ARHGAP4: variants seen among roughly 807,000 people sequenced by gnomAD.
The protein encoded by ARHGAP4 is rho GTPase-activating protein 4.
ARHGAP4 carries 25 observed loss-of-function variants against 67.6 expected under a neutral mutation model. The ratio of observed to expected loss-of-function variants is 0.37; its 90% CI spans 0.27 to 0.52. The LOEUF is 0.52. Ranked by LOEUF, ARHGAP4 falls within the 20% of genes least tolerant of loss-of-function variation. The pLI is 0.92. For synonymous variants in ARHGAP4, 448 were observed against 373.7 expected (o/e 1.20, Z -2.29); for missense variants, 804 against 854.6 (o/e 0.94, Z 0.74).
Position 153,921,515 on chromosome X carries a change from G to A in ARHGAP4, c.285C>T (p.Ser95=). 8.4e-7 allele frequency: 1 copy of A among 1,194,710 alleles called. No homozygotes were observed. Among genetic ancestry groups the A allele is most frequent in the Non-Finnish European group, 1.1e-6 (1 of 886,387 alleles). The change falls in exon 3 of 22, where the codon TCC becomes TCT. Residue 95 remains serine, a synonymous_variant. Transcript: ENST00000350060. ...REHQSFRKEP[S]LLSPLHCWAV... The stretch of plus-strand genomic sequence containing the variant: ...CCCAGCAGTGCAAGGGCGACAGGAG[G>A]GACGGCTCCTTCCTGGGGGTAGAGG...
At chrX:153,915,422 A>ATC (rs1168050078) in intron 7 of ARHGAP4, among the ~76,000 whole-genome samples, 1 of 111,187 alleles carries the variant, frequency 9.0e-6, no homozygotes, top group African/African-American at 3.3e-5. Flanking sequence ...TTAAAAGTCC[A>ATC]TCTAGGCTGG....
rs782735515 is a variant in ARHGAP4 at position 153,921,638 on chromosome X, C to T, written c.239G>A (p.Arg80His). 5.8e-6 allele frequency: 7 copies of T among 1,208,695 alleles called. No homozygotes were observed. Among genetic ancestry groups the T allele is most frequent in the African/African-American group, 1.7e-5 (1 of 57,676 alleles). Residue 80 changes from arginine to histidine, a missense_variant, in exon 2 of 22, where the codon CGC (arginine) becomes CAC (histidine). Arg to His is a conservative substitution (Grantham distance 29, BLOSUM62 0). Coordinates refer to ENST00000350060, the MANE Select transcript of ARHGAP4 (RefSeq NM_001666.5). ...TTGGTGCTCCCGGCTGCTCCCCAGG[C>T]GGCCTCCACGGCTGGAGAAGCGCTC... ...LAERFSSRGG[R>H]LGSSREHQSF...
In ARHGAP4 at chrX:153,913,031, C is replaced by T. The variant is rs782795134; in HGVS notation, c.1432G>A (p.Val478Met). 5.0e-6 allele frequency: 6 copies of T among 1,191,666 alleles called. No individual in the cohort carries two copies. Among genetic ancestry groups the T allele is most frequent in the Non-Finnish European group, 6.8e-6 (6 of 885,440 alleles). Residue 478 changes from valine to methionine, a missense_variant, in exon 11 of 22, where the codon GTG (valine) becomes ATG (methionine). Transcript: ENST00000350060. The stretch of plus-strand genomic sequence containing the variant: ...CCCTCAGGGAGGACTCACCAAGACA[C>T]CTCCTGCTCCTCCTTGTCACCTGTG... ...LQRGDKEEQEVSWTQYTQRKF... is the reference protein window; with the variant it reads ...LQRGDKEEQEMSWTQYTQRKF...
intron 7 of ARHGAP4, among the ~76,000 whole-genome samples, chrX:153,914,916 T>G (rs781954143): frequency 1.4e-4 from 16 of 112,194 alleles, no homozygotes; most frequent in Non-Finnish European, 2.3e-4. Flanking sequence ...CTTTTAAGCA[T>G]GTAGACATCT....
Position 153,921,177 on chromosome X carries a change from G to A in ARHGAP4, c.436-18C>T, listed in dbSNP as rs1557105213. 1 of 1,194,793 alleles carries A rather than the reference G, an allele frequency of 8.4e-7. No homozygotes were observed. Among genetic ancestry groups the A allele is most frequent in the South Asian group, 1.8e-5 (1 of 54,929 alleles). On this transcript the variant is annotated intron_variant, in intron 3 of 21. Transcript: ENST00000350060. Reference sequence around the variant, plus strand: ...TCCCTGCTCTAGAGGCAGAGGCAAGGGTGAGCACGGCACTGCCCAGAGCGG... The same window carrying A: ...TCCCTGCTCTAGAGGCAGAGGCAAGAGTGAGCACGGCACTGCCCAGAGCGG...
intron 1 of ARHGAP4, among the ~76,000 whole-genome samples, chrX:153,923,837 G>A (rs1557105745): frequency 8.9e-6 from 1 of 112,257 alleles, no homozygotes; most frequent in Non-Finnish European, 1.9e-5. Flanking sequence ...GAGTACAGTG[G>A]TGCGATCTCG....
At position 153,919,364 on chromosome X, in the gene ARHGAP4, C is replaced by T. The variant is rs782028839; in HGVS notation, c.682-81G>A. The T allele has an allele frequency of 2.6e-5, 31 of 1,198,469 alleles. No individual in the cohort carries two copies. The Admixed American group carries it at 6.6e-4, about 25-fold the overall frequency. On this transcript the variant is annotated intron_variant, in intron 5 of 21. Coordinates refer to ENST00000350060, the MANE Select transcript of ARHGAP4 (RefSeq NM_001666.5). ...TAGCCTTTCATGTAATGCCCATCGCCTCCCCTCCCACTGTGGACAACTACA... is the reference window on the plus strand; with the variant it reads ...TAGCCTTTCATGTAATGCCCATCGCTTCCCCTCCCACTGTGGACAACTACA...
At chrX:153,921,849 C>T (rs782801428) in intron 1 of ARHGAP4, 40 bp from the exon 2 acceptor site, 17 of 1,147,714 alleles carry the variant, frequency 1.5e-5, no homozygotes, top group Non-Finnish European at 1.4e-5. Context: ...TCAGCACGCC[C>T]TGCCTGGGTC....
rs782256125 is a variant in ARHGAP4, at chrX:153,910,626, G to A, written c.1817-15C>T. 66 of 1,196,223 alleles carry A rather than the reference G, an allele frequency of 5.5e-5. No homozygotes were observed. The highest frequency in any genetic ancestry group is 6.2e-5 in the Non-Finnish European group (55 of 887,534). On this transcript the variant is annotated splice_polypyrimidine_tract_variant and intron_variant, in intron 15 of 21. Coordinates refer to ENST00000350060, the MANE Select transcript of ARHGAP4 (RefSeq NM_001666.5). ...GGCCTCCAGCTCTGTGGCCAAAGCC[G>A]CCCAGAGAGAGCCGCGTGAGCGGGG...
Position 153,907,887 on chromosome X carries a change from C to T in ARHGAP4, c.2683G>A (p.Ala895Thr). The stretch of plus-strand genomic sequence containing the variant: ...CCAGGACTGGGAGAGGTGGTAGATG[C>T]TGGCCCAAGGCCCTGGCGGACAGAG... ...KTSVRQGLGP[A>T]STTSPSPGPR... Residue 895 changes from alanine to threonine, a missense_variant, in exon 22 of 22, where the codon GCA becomes ACA. Transcript: ENST00000350060. The T allele has an allele frequency of 9.5e-7, 1 of 1,057,688 alleles. No individual in the cohort carries two copies. 87.2% of individuals were successfully genotyped at this position (1,057,688 alleles called of 1,213,427 possible). A position where few individuals can be genotyped will look rare whatever the true frequency, so the allele number is the denominator to read the frequency against.
intron 5 of ARHGAP4, chrX:153,919,790 TTA>T: frequency 2.5e-6 from 2 of 797,526 alleles, no homozygotes; most frequent in Non-Finnish European, 3.3e-6. Context: ...TATTTTTTTT[TTA>T]TTTTTTTTTT....
intron 5 of ARHGAP4, 196 bp from the exon 6 acceptor site, chrX:153,919,479 C>T (rs2065077451): frequency 9.0e-7 from 1 of 1,114,347 alleles, no homozygotes; most frequent in Admixed American, 2.8e-5. Flanking sequence ...TGACTTGATT[C>T]CCCGGCTGTT....
At chrX:153,921,313 T>C (rs970675200) in intron 3 of ARHGAP4, 52 bp downstream of exon 3, 22 of 1,205,614 alleles carry the variant, frequency 1.8e-5, no homozygotes, top group Non-Finnish European at 2.2e-5. Context: ...CCACAGTGCC[T>C]CCTGATCCCA....
rs782755329 is a variant in ARHGAP4, at chrX:153,915,295, G to A, written c.1033-1416C>T. Among the ~76,000 whole-genome samples, 313 of 112,278 alleles carry A rather than the reference G, an allele frequency of 2.8e-3. 4 individuals carry two copies. The highest frequency in any genetic ancestry group is 9.6e-3 in the African/African-American group (296 of 30,903). On this transcript the variant is annotated intron_variant, in intron 7 of 21. Transcript: ENST00000350060. ...TTTGGGAAGATGAACAAGTTCTGCG[G>A]CTGGATGGTGGTGATGGCTGCACAG... is the stretch of plus-strand genomic sequence containing the variant.
chrX:153,914,039 C>T (rs1557103918), intron 7 of ARHGAP4, 160 bp from the exon 8 acceptor site: 7 of 464,424 alleles, frequency 1.5e-5, no homozygotes, highest in African/African-American at 1.2e-4. Flanking sequence ...AGTGAACACA[C>T]GTGTCCAAAC....
At chrX:153,915,797 A>G (rs1439692571) in intron 7 of ARHGAP4, among the ~76,000 whole-genome samples, 2 of 111,757 alleles carry the variant, frequency 1.8e-5, no homozygotes, top group African/African-American at 6.5e-5. Flanking sequence ...TAGAGAAAAA[A>G]TAAGTGTATG....
chrX:153,923,392 T>C (rs1421019151), intron 1 of ARHGAP4, among the ~76,000 whole-genome samples: 2 of 111,890 alleles, frequency 1.8e-5, no homozygotes, highest in African/African-American at 3.2e-5. Flanking sequence ...TGATCTCCTA[T>C]TGGAGAATGT....
At chrX:153,919,592 G>A in intron 5 of ARHGAP4, 3 of 1,164,708 alleles carry the variant, frequency 2.6e-6, no homozygotes, top group Non-Finnish European at 3.4e-6. Flanking sequence ...TGCGCACATG[G>A]CACCCCACCA....
In ARHGAP4 at chrX:153,921,814, G is replaced by C. The variant is rs201310068; in HGVS notation, c.68-5C>G. The stretch of plus-strand genomic sequence containing the variant: ...CGCTCAGCTGCCAGCGCATCTCTGT[G>C]GGGGGAACCATGGCTCAGGCCTGGT... On this transcript the variant is annotated splice_polypyrimidine_tract_variant and splice_region_variant and intron_variant, in intron 1 of 21. Transcript: ENST00000350060. The C allele has an allele frequency of 5.9e-6, 7 of 1,181,685 alleles. No homozygotes were observed. The highest frequency in any genetic ancestry group is 7.9e-6 in the Non-Finnish European group (7 of 882,691).
Sources: allele counts gnomAD v4.1 joint callset (sites outside exome capture counted in the v4.1 genomes callset), GRCh38; gene constraint gnomAD v4.1.1; transcripts MANE v1.5; gene names NCBI Gene and HGNC (gene_info 2026-07-23, HGNC 2026-07-21).